The following SLC8A1 variants were observed in gnomAD, a reference collection of about 807,000 sequenced individuals.
SLC8A1 encodes solute carrier family 8 member A1, also known as sodium/calcium exchanger 1.
In SLC8A1, 18 loss-of-function variants were observed where a neutral mutation model predicts 68.3. The observed-to-expected ratio is 0.26, with a 90% CI of 0.18 to 0.39. SLC8A1 has a LOEUF of 0.39. Among genes scored for constraint, SLC8A1 ranks in the 10% least tolerant of loss-of-function variants. The pLI, the probability that SLC8A1 is intolerant of heterozygous loss-of-function variation, is 1.00. For missense variants in SLC8A1, 985 were observed against 1,156.7 expected (o/e 0.85, Z 2.15); for synonymous variants, 475 against 415.5 (o/e 1.14, Z -1.74).
chr2:40,208,139 A>G (rs920757390), intron 2 of SLC8A1, among the ~76,000 whole-genome samples: 6 of 152,156 alleles, frequency 3.9e-5, no homozygotes, highest in Non-Finnish European at 5.9e-5. Context: ...CAGGAAAAAT[A>G]AAGGGTGTTA....
chr2:40,480,845 C>T (rs1167439139), intron 1 of SLC8A1, among the ~76,000 whole-genome samples: 1 of 152,194 alleles, frequency 6.6e-6, no homozygotes. Flanking sequence ...GTCACTGCAT[C>T]AGTTGAGACC....
intron 1 of SLC8A1, among the ~76,000 whole-genome samples, chr2:40,441,647 A>G (rs1432348805): frequency 6.6e-6 from 1 of 152,150 alleles, no homozygotes; most frequent in Non-Finnish European, 1.5e-5. Context: ...TACAAACCTG[A>G]CAAAAACCAG....
intron 2 of SLC8A1, among the ~76,000 whole-genome samples, chr2:40,397,262 G>T (rs1687279356): frequency 6.6e-6 from 1 of 152,236 alleles, no homozygotes; most frequent in South Asian, 2.1e-4. Flanking sequence ...TACATGTCAT[G>T]AGCTAATGTG....
chr2:40,421,231 C>A (rs758913639), intron 2 of SLC8A1, among the ~76,000 whole-genome samples: 2 of 152,076 alleles, frequency 1.3e-5, no homozygotes, highest in East Asian at 3.9e-4. Context: ...ACCAATATAT[C>A]CAAAATCACC....
intron 2 of SLC8A1, among the ~76,000 whole-genome samples, chr2:40,393,603 A>G (rs1478101762): frequency 3.3e-5 from 5 of 152,104 alleles, no homozygotes; most frequent in African/African-American, 7.2e-5. Flanking sequence ...ATTGTTTCCA[A>G]TTCCATATAA....
rs148235252 is a variant in SLC8A1 at position 40,498,102 on chromosome 2, C to A, written c.-25+14247G>T. On this transcript the variant is annotated intron_variant, in intron 1 of 7. Transcript: ENST00000402441. ...AGCTGATTTTCAGTTTACAGTTAAC[C>A]AAAGAGTTAGATAAATCAGAAAGGT... Among the ~76,000 whole-genome samples, 625 of 151,902 alleles carry A rather than the reference C, an allele frequency of 4.1e-3. 5 individuals are homozygous for A. Among genetic ancestry groups the A allele is most frequent in the African/African-American group, 0.014 (575 of 41,446 alleles).
At chr2:40,439,000 A>C (rs866936402) in intron 1 of SLC8A1, among the ~76,000 whole-genome samples, 1 of 152,106 alleles carries the variant, frequency 6.6e-6, no homozygotes. Context: ...TAAGATGTTG[A>C]TGTTAAGTAA....
chr2:40,183,243 G>T (rs2049981943), intron 2 of SLC8A1, among the ~76,000 whole-genome samples: 2 of 152,156 alleles, frequency 1.3e-5, no homozygotes. Flanking sequence ...CTCAAAATTA[G>T]CCACTAGGTC....
chr2:40,385,369 G>A (rs1683230474), intron 2 of SLC8A1, among the ~76,000 whole-genome samples: 1 of 147,086 alleles, frequency 6.8e-6, no homozygotes, highest in Non-Finnish European at 1.5e-5. Flanking sequence ...TTGAATACTG[G>A]ATTTAAAACA....
At chr2:40,291,003 T>A (rs1324151841) in intron 2 of SLC8A1, among the ~76,000 whole-genome samples, 1 of 152,196 alleles carries the variant, frequency 6.6e-6, no homozygotes, top group Non-Finnish European at 1.5e-5. Flanking sequence ...AAAAATTCAA[T>A]GTAATCTACA....
chr2:40,439,447 T>G (rs892987201), intron 1 of SLC8A1, among the ~76,000 whole-genome samples: 4 of 152,144 alleles, frequency 2.6e-5, no homozygotes, highest in African/African-American at 7.2e-5. Context: ...CCTACTCTTT[T>G]TCTTCATTTC....
chr2:40,321,256 G>T (rs759387), intron 2 of SLC8A1, among the ~76,000 whole-genome samples: 25,351 of 151,960 alleles, frequency 0.17, 2,690 homozygotes, highest in East Asian at 0.35. Context: ...ATCTGTTAAG[G>T]AATGTAATTG....
intron 1 of SLC8A1, among the ~76,000 whole-genome samples, chr2:40,449,862 T>C (rs1341343690): frequency 6.6e-6 from 1 of 152,214 alleles, no homozygotes; most frequent in African/African-American, 2.4e-5. Context: ...GTCCTTTTTG[T>C]TGCTGTTGTT....
chr2:40,163,027 C>T (rs1051923693), intron 5 of SLC8A1, among the ~76,000 whole-genome samples: 5 of 151,946 alleles, frequency 3.3e-5, no homozygotes, highest in Admixed American at 3.3e-4. Flanking sequence ...TAAAACATGC[C>T]CCTAACGTGC....
intron 2 of SLC8A1, among the ~76,000 whole-genome samples, chr2:40,281,076 G>A (rs946652390): frequency 1.3e-5 from 2 of 152,104 alleles, no homozygotes; most frequent in Admixed American, 6.5e-5. Context: ...AGTTTTGATG[G>A]AATGAGCCAA....
At chr2:40,349,300 G>A (rs190186233) in intron 2 of SLC8A1, among the ~76,000 whole-genome samples, 103 of 152,218 alleles carry the variant, frequency 6.8e-4, no homozygotes, top group Non-Finnish European at 9.9e-4. Context: ...GGTTACAGTC[G>A]ACACTTTGAA....
chr2:40,453,964 C>T (rs1325259899), upstream of SLC8A1, among the ~76,000 whole-genome samples: 1 of 152,144 alleles, frequency 6.6e-6, no homozygotes, highest in East Asian at 1.9e-4. Context: ...TTTTTCTTTC[C>T]TTGCTATAAG....
At chr2:40,285,023 C>T (rs2068091645) in intron 2 of SLC8A1, among the ~76,000 whole-genome samples, 1 of 152,246 alleles carries the variant, frequency 6.6e-6, no homozygotes, top group Middle Eastern at 3.4e-3. Context: ...TCATAGAATA[C>T]AGCCTCTCAC....
intron 1 of SLC8A1, among the ~76,000 whole-genome samples, chr2:40,460,460 T>C (rs1325945594): frequency 1.3e-5 from 2 of 152,124 alleles, no homozygotes; most frequent in Non-Finnish European, 2.9e-5. Flanking sequence ...AAATAGGGAG[T>C]GACTACTCCA....
Sources: gnomAD v4.1 joint callset for allele counts (sites outside exome capture counted in the v4.1 genomes callset) on GRCh38, gnomAD v4.1.1 for gene constraint, MANE v1.5 for transcripts, NCBI Gene and HGNC (gene_info 2026-07-23, HGNC 2026-07-21) for gene names.